STIM1: variants seen among roughly 807,000 people sequenced by gnomAD.
STIM1 encodes stromal interaction molecule 1.
In STIM1, 25 loss-of-function variants were observed where a neutral mutation model predicts 74.7. That is an observed-to-expected ratio of 0.33 (90% CI 0.24 to 0.47). The LOEUF is 0.47. Among genes scored for constraint, STIM1 ranks in the 20% least tolerant of loss-of-function variants. The pLI is 1.00. For missense variants in STIM1, 728 were observed against 920.8 expected (o/e 0.79, Z 2.71); for synonymous variants, 328 against 348.8 (o/e 0.94, Z 0.66).
At chr11:4,020,926 G>A (rs1366974272) in intron 2 of STIM1, among the ~76,000 whole-genome samples, 2 of 151,964 alleles carry the variant, frequency 1.3e-5, no homozygotes, top group African/African-American at 2.4e-5. Flanking sequence ...TTTGAGAAAT[G>A]TCTAGTTAGA....
At chr11:3,917,436 T>G (rs1393869119) in intron 1 of STIM1, among the ~76,000 whole-genome samples, 1 of 116,888 alleles carries the variant, frequency 8.6e-6, no homozygotes, top group Non-Finnish European at 1.6e-5. Flanking sequence ...AGGGTTTCTG[T>G]TTTTTTTTTT....
At chr11:3,945,431 A>C (rs2093060764) in intron 1 of STIM1, among the ~76,000 whole-genome samples, 1 of 151,898 alleles carries the variant, frequency 6.6e-6, no homozygotes, top group African/African-American at 2.4e-5. Context: ...AAAAAAATAA[A>C]AAAAAAAAGA....
At chr11:4,044,611 G>A (rs2094175952) in intron 3 of STIM1, among the ~76,000 whole-genome samples, 1 of 152,134 alleles carries the variant, frequency 6.6e-6, no homozygotes, top group Non-Finnish European at 1.5e-5. Flanking sequence ...ACCCTACCTA[G>A]ATAGGGCATC....
intron 1 of STIM1, among the ~76,000 whole-genome samples, chr11:3,869,373 T>C (rs1015415718): frequency 2.6e-5 from 4 of 152,194 alleles, no homozygotes; most frequent in African/African-American, 9.6e-5. Flanking sequence ...TACAAGGCAA[T>C]CTTGGTTCAG....
intron 7 of STIM1, 35 bp from the exon 8 acceptor site, chr11:4,082,149 G>A (rs1452307220): frequency 6.2e-7 from 1 of 1,611,334 alleles, no homozygotes; most frequent in Admixed American, 1.7e-5. Flanking sequence ...AGTCTTAGTA[G>A]CAGTAAATGA....
chr11:4,048,110 G>A (rs191038847), intron 3 of STIM1, among the ~76,000 whole-genome samples: 60 of 152,210 alleles, frequency 3.9e-4, no homozygotes, highest in Non-Finnish European at 6.8e-4. Context: ...TTGAGCCACC[G>A]TGCCTGGCCA....
intron 12 of STIM1, among the ~76,000 whole-genome samples, chr11:4,087,119 T>A (rs1338523083): frequency 6.6e-6 from 1 of 152,172 alleles, no homozygotes; most frequent in Non-Finnish European, 1.5e-5. Flanking sequence ...TTGCCTAAAC[T>A]ATGCACTTTC....
At chr11:3,932,719 C>T (rs67300156) in intron 1 of STIM1, among the ~76,000 whole-genome samples, 36,759 of 151,070 alleles carry the variant, frequency 0.24, 5,584 homozygotes, top group South Asian at 0.45. Context: ...ATCTCTCTTG[C>T]CCCTTCTGCA....
chr11:3,956,850 A>C (rs2093220543), intron 1 of STIM1, among the ~76,000 whole-genome samples: 1 of 150,090 alleles, frequency 6.7e-6, no homozygotes, highest in African/African-American at 2.5e-5. Flanking sequence ...AAAAAAAAAA[A>C]AGTCAGAGAG....
intron 2 of STIM1, among the ~76,000 whole-genome samples, chr11:4,015,731 C>G (rs181264175): frequency 2.9e-3 from 444 of 152,236 alleles, no homozygotes; most frequent in Admixed American, 7.1e-3. Context: ...TTCTTGGAAG[C>G]TTTGTTCGTT....
chr11:4,022,145 A>C (rs1261765815), intron 2 of STIM1, among the ~76,000 whole-genome samples: 1 of 151,768 alleles, frequency 6.6e-6, no homozygotes, highest in East Asian at 1.9e-4. Flanking sequence ...CAGCCTGGGT[A>C]ACGTGGTAAA....
rs1224365333 is a variant in STIM1, at chr11:3,862,089, CTGT to C, written c.139+5688_139+5690del. 1.8e-4 allele frequency among the ~76,000 whole-genome samples: 28 copies of C among 152,138 alleles called. 1 individual carries two copies. In the South Asian group the frequency reaches 4.8e-3, roughly 26 times the overall value. ...CTGGGCCTCCAGAGCTTTGTTGTTG[CTGT>C]TGTTGTTACTGTTGATTAAAAAAAT... On this transcript the variant is annotated intron_variant, in intron 1 of 12. Transcript: ENST00000526596.
intron 1 of STIM1, among the ~76,000 whole-genome samples, chr11:3,917,537 C>T (rs763820092): frequency 1.3e-5 from 2 of 150,846 alleles, no homozygotes; most frequent in African/African-American, 4.9e-5. Flanking sequence ...TGGGTTCAAA[C>T]GATCCTCCCA....
intron 1 of STIM1, among the ~76,000 whole-genome samples, chr11:3,895,667 TTTCTTTCCTTCCTTCC>T (rs1565104780): frequency 0.012 from 458 of 37,290 alleles, 11 homozygotes; most frequent in Non-Finnish European, 0.014. Flanking sequence ...TCTTTCTTTC[TTTCTTTCCTTCCTTCC>T]TTCTTTCTTT....
chr11:3,944,747 T>C (rs1216832697), intron 1 of STIM1, among the ~76,000 whole-genome samples: 1 of 152,212 alleles, frequency 6.6e-6, no homozygotes, highest in African/African-American at 2.4e-5. Flanking sequence ...ATCGGTGAGC[T>C]GTTGGATGAC....
intron 1 of STIM1, among the ~76,000 whole-genome samples, chr11:3,867,840 A>ACTGGCAGGCAGG (rs1554951139): frequency 6.9e-6 from 1 of 145,436 alleles, no homozygotes. Flanking sequence ...CAGAAATCTC[A>ACTGGCAGGCAGG]CTGGCAGGCA....
chr11:3,932,826 G>A (rs1175411192), intron 1 of STIM1, among the ~76,000 whole-genome samples: 1 of 152,160 alleles, frequency 6.6e-6, no homozygotes, highest in Non-Finnish European at 1.5e-5. Flanking sequence ...GGACTTCCTA[G>A]CCTCTAGAAT....
intron 1 of STIM1, among the ~76,000 whole-genome samples, chr11:3,865,690 C>T (rs1472715459): frequency 6.6e-6 from 1 of 152,198 alleles, no homozygotes; most frequent in Non-Finnish European, 1.5e-5. Flanking sequence ...GGAGACAGGT[C>T]AGAGCCTTAT....
At chr11:3,947,211 G>C (rs892308850) in intron 1 of STIM1, 1 of 151,216 alleles carries the variant, frequency 6.6e-6, no homozygotes, top group Non-Finnish European at 1.5e-5. Flanking sequence ...AAATGTTGCT[G>C]CTCCTCTGAA....
Sources: gnomAD v4.1 joint callset for allele counts (sites outside exome capture counted in the v4.1 genomes callset) on GRCh38, gnomAD v4.1.1 for gene constraint, MANE v1.5 for transcripts, NCBI Gene and HGNC (gene_info 2026-07-23, HGNC 2026-07-21) for gene names.